VAV1: variants seen among roughly 807,000 people sequenced by gnomAD.
The protein encoded by VAV1 is proto-oncogene vav.
In VAV1, 33 loss-of-function variants were observed where a neutral mutation model predicts 128.1. The ratio of observed to expected loss-of-function variants is 0.26; its 90% CI spans 0.20 to 0.34. The LOEUF (loss-of-function observed/expected upper bound fraction) is 0.34, where lower values mean the gene tolerates loss of function less well. Ranked by LOEUF, VAV1 falls within the 10% of genes least tolerant of loss-of-function variation. VAV1 has a pLI of 1.00. For missense variants in VAV1, 715 were observed against 1,093.7 expected (o/e 0.65, Z 4.88); for synonymous variants, 394 against 409.8 (o/e 0.96, Z 0.47).
intron 14 of VAV1, 35 bp downstream of exon 14, chr19:6,829,953 A>G: frequency 1.2e-6 from 2 of 1,613,394 alleles, no homozygotes; most frequent in Non-Finnish European, 1.7e-6. Context: ...GGGGTCCTCC[A>G]CGCAGTCGGC....
At position 6,820,827 on chromosome 19, in the gene VAV1, C is replaced by T; in HGVS notation, c.321+9C>T. 6.2e-7 allele frequency: 1 copy of T among 1,611,932 alleles called. No homozygotes were observed. Among genetic ancestry groups the T allele is most frequent in the Non-Finnish European group, 8.5e-7 (1 of 1,177,972 alleles). ...TGCAGGATTTTGGCAAGGTGAGCTG[C>T]ACACTTGAAGCCCAAAGACTGAGTT... On this transcript the variant is annotated intron_variant, in intron 2 of 26. Coordinates refer to ENST00000602142, the MANE Select transcript of VAV1 (RefSeq NM_005428.4). This position sits in a 1 kb window ranked among gnomAD's most constrained non-coding sequence, Gnocchi z 4.4.
chr19:6,791,338 T>C (rs1310964811), intron 1 of VAV1, among the ~76,000 whole-genome samples: 1 of 152,214 alleles, frequency 6.6e-6, no homozygotes, highest in Admixed American at 6.5e-5. Context: ...CTCGAGGTCC[T>C]TGAGATAACT....
Position 6,833,749 on chromosome 19 carries a change from G to C in VAV1, c.1731+16G>C, listed in dbSNP as rs761657911. The C allele has an allele frequency of 2.4e-5, 39 of 1,614,034 alleles. No homozygotes were observed. The highest frequency in any genetic ancestry group is 3.3e-5 in the Non-Finnish European group (39 of 1,180,028). Reference sequence around the variant, plus strand: ...TATGAAGAAGGTAAGACTTTCCCGTGGTCCTTCCTGTGTACCACAAATAAT... The same window carrying C: ...TATGAAGAAGGTAAGACTTTCCCGTCGTCCTTCCTGTGTACCACAAATAAT... On this transcript the variant is annotated intron_variant, in intron 18 of 26. Coordinates refer to ENST00000602142, the MANE Select transcript of VAV1 (RefSeq NM_005428.4).
intron 1 of VAV1, among the ~76,000 whole-genome samples, chr19:6,783,748 G>T (rs374333726): frequency 2.0e-5 from 3 of 152,152 alleles, no homozygotes; most frequent in East Asian, 3.9e-4. Context: ...GATTACAGGC[G>T]TGAGCCACCA....
intron 1 of VAV1, among the ~76,000 whole-genome samples, chr19:6,782,487 CGA>C (rs797014780): frequency 5.5e-4 from 84 of 151,924 alleles, no homozygotes; most frequent in African/African-American, 2.0e-3. Flanking sequence ...GCTAAATGAA[CGA>C]GAGTCATTAT....
chr19:6,775,939 T>C (rs969728384), intron 1 of VAV1, among the ~76,000 whole-genome samples: 5 of 127,112 alleles, frequency 3.9e-5, no homozygotes, highest in African/African-American at 1.6e-4. Context: ...TTCGGAGTCC[T>C]TCTCTTTTTT....
intron 14 of VAV1, among the ~76,000 whole-genome samples, chr19:6,831,879 T>C (rs977997160): frequency 2.0e-5 from 3 of 149,004 alleles, no homozygotes; most frequent in Non-Finnish European, 4.5e-5. Context: ...TGTGTGTGTG[T>C]GCATGTGCAC....
rs950461186 is a variant in VAV1, at chr19:6,826,253, G to A, written c.828-359G>A. On this transcript the variant is annotated intron_variant, in intron 8 of 26. Transcript: ENST00000602142. This position sits in a 1 kb window ranked among gnomAD's most constrained non-coding sequence, Gnocchi z 4.1. ...CTCGGGGGGCTGAAGCAGGAGAATC[G>A]CTTGAACCCGGGAGATGGAGGTTGC... Among the ~76,000 whole-genome samples the A allele has an allele frequency of 2.6e-5, 4 of 152,104 alleles. No individual in the cohort carries two copies. Among genetic ancestry groups the A allele is most frequent in the African/African-American group, 7.2e-5 (3 of 41,420 alleles).
intron 1 of VAV1, among the ~76,000 whole-genome samples, chr19:6,800,336 G>A (rs868417801): frequency 1.4e-4 from 21 of 151,754 alleles, no homozygotes; most frequent in African/African-American, 5.1e-4. Flanking sequence ...TTGAGATGGG[G>A]TCTTGCTCTG....
intron 1 of VAV1, among the ~76,000 whole-genome samples, chr19:6,814,406 A>G (rs1568298920): frequency 6.6e-6 from 1 of 151,956 alleles, no homozygotes. Context: ...TTCTATCATC[A>G]TAGGTTAGTT....
chr19:6,802,937 AAG>A, intron 1 of VAV1, among the ~76,000 whole-genome samples: 1 of 152,286 alleles, frequency 6.6e-6, no homozygotes, highest in African/African-American at 2.4e-5. Flanking sequence ...TATTTACCCA[AAG>A]GAGTTGAACA....
intron 1 of VAV1, among the ~76,000 whole-genome samples, chr19:6,781,426 G>A (rs574633106): frequency 6.6e-6 from 1 of 152,228 alleles, no homozygotes; most frequent in East Asian, 1.9e-4. Context: ...TTTGCCAGCT[G>A]GATGGGAAAT....
In VAV1 at chr19:6,832,209, C is replaced by G. The variant is rs745605832; in HGVS notation, c.1508+9C>G. 3 of 1,613,154 alleles carry G rather than the reference C, an allele frequency of 1.9e-6. No individual in the cohort carries two copies. The highest frequency in any genetic ancestry group is 3.3e-5 in the Admixed American group (2 of 59,996). On this transcript the variant is annotated intron_variant, in intron 15 of 26. Coordinates refer to ENST00000602142, the MANE Select transcript of VAV1 (RefSeq NM_005428.4). The stretch of plus-strand genomic sequence containing the variant: ...CAGTTTGAGATGGCCATGTGAGTCC[C>G]CGTCTTCCTCCCTCTTTCTGTCCAC...
At chr19:6,807,271 G>T (rs907705075) in intron 1 of VAV1, among the ~76,000 whole-genome samples, 5 of 151,912 alleles carry the variant, frequency 3.3e-5, no homozygotes, top group Non-Finnish European at 5.9e-5. Flanking sequence ...ATCAGTGGGA[G>T]CCCTGAGCTT....
intron 15 of VAV1, among the ~76,000 whole-genome samples, chr19:6,832,612 TCC>T (rs1972105172): frequency 8.0e-6 from 1 of 124,560 alleles, no homozygotes; most frequent in Non-Finnish European, 1.5e-5. Context: ...CTCCTATTCC[TCC>T]TCCACCTCTT....
intron 1 of VAV1, among the ~76,000 whole-genome samples, chr19:6,776,552 CCATT>C (rs1461974200): frequency 2.4e-5 from 3 of 122,726 alleles, no homozygotes; most frequent in African/African-American, 9.4e-5. Flanking sequence ...ATCCATCCAT[CCATT>C]CAACCACCCA....
At chr19:6,855,827 A>G (rs1972784013) in intron 26 of VAV1, among the ~76,000 whole-genome samples, 1 of 151,746 alleles carries the variant, frequency 6.6e-6, no homozygotes, top group Non-Finnish European at 1.5e-5. Context: ...CTATCTATCT[A>G]TCTATCTATC....
At chr19:6,838,283 G>A (rs544364669) in intron 21 of VAV1, among the ~76,000 whole-genome samples, 44 of 144,140 alleles carry the variant, frequency 3.1e-4, no homozygotes, top group Middle Eastern at 3.6e-3. Flanking sequence ...CCATCTATTC[G>A]TCATCTACAT....
chr19:6,829,666 C>A (rs1972009240), intron 13 of VAV1, 120 bp from the exon 14 acceptor site: 4 of 1,487,984 alleles, frequency 2.7e-6, no homozygotes, highest in African/African-American at 2.8e-5. Flanking sequence ...GTGGGCATGG[C>A]CAAGTTGGCC....
Sources: allele counts gnomAD v4.1 joint callset (sites outside exome capture counted in the v4.1 genomes callset), GRCh38; gene constraint gnomAD v4.1.1; non-coding constraint Gnocchi (gnomAD v3.1); transcripts MANE v1.5; gene names NCBI Gene and HGNC (gene_info 2026-07-23, HGNC 2026-07-21).